Variants in VSTM4 observed in about 807,000 individuals in gnomAD.
VSTM4 encodes the protein V-set and transmembrane domain-containing protein 4.
VSTM4 carries 20 observed loss-of-function variants against 36.4 expected under a neutral mutation model. The observed-to-expected ratio is 0.55, with a 90% CI of 0.39 to 0.80. The LOEUF (loss-of-function observed/expected upper bound fraction) is 0.80, where lower values mean the gene tolerates loss of function less well. Among genes scored for constraint, VSTM4 ranks in the 30% least tolerant of loss-of-function variants. The probability of loss-of-function intolerance (pLI) is 0.00; values close to 1 mark genes in which losing one functional copy is unlikely to be tolerated. For synonymous variants in VSTM4, 182 were observed against 173.9 expected, an observed-to-expected ratio of 1.05 and a Z score of -0.37; for missense variants, 392 against 404.5, an observed-to-expected ratio of 0.97 and a Z score of 0.26.
chr10:49,052,433 AT>A lies in VSTM4; in HGVS notation c.669-3850del, dbSNP rs372235532. Among the ~76,000 whole-genome samples the A allele has an allele frequency of 5.3e-3, 759 of 143,638 alleles. 29 individuals are homozygous for A. The South Asian group carries it at 0.055, about 10-fold the overall frequency. The allele number at this position is 143,638 out of a possible 152,430, so 94.2% of individuals were successfully genotyped here. ...GGATAGCTCCTTCTCTTGATTTAGGATTTTTTTTTTTTTTGGATCTTGATTT... is the reference window on the plus strand; with the variant it reads ...GGATAGCTCCTTCTCTTGATTTAGGATTTTTTTTTTTTTGGATCTTGATTT... On this transcript the variant is annotated intron_variant, in intron 5 of 7. Coordinates refer to ENST00000332853, the MANE Select transcript of VSTM4 (RefSeq NM_001031746.5).
At chr10:49,062,680 A>C (rs1322148671) in intron 5 of VSTM4, among the ~76,000 whole-genome samples, 3 of 152,154 alleles carry the variant, frequency 2.0e-5, no homozygotes, top group Admixed American at 6.5e-5. Context: ...TATTTCTTCT[A>C]ATACTGTTTT....
chr10:49,112,254 T>C (rs903892297), intron 1 of VSTM4, among the ~76,000 whole-genome samples: 1 of 152,210 alleles, frequency 6.6e-6, no homozygotes, highest in African/African-American at 2.4e-5. Flanking sequence ...AATCCCAGTC[T>C]CCAACAAGCA....
chr10:49,039,285 G>A (rs1245388478), intron 7 of VSTM4, among the ~76,000 whole-genome samples: 1 of 152,102 alleles, frequency 6.6e-6, no homozygotes, highest in Non-Finnish European at 1.5e-5. Context: ...CCTGGGTGGG[G>A]TGGGCCTGAG....
intron 3 of VSTM4, 47 bp downstream of exon 3, chr10:49,085,907 GA>G: frequency 1.6e-6 from 2 of 1,240,046 alleles, no homozygotes; most frequent in Non-Finnish European, 2.3e-6. Flanking sequence ...AAAAGAAAAA[GA>G]AAAAGCAACT....
At chr10:49,087,325 G>T (rs892777793) in intron 2 of VSTM4, among the ~76,000 whole-genome samples, 15 of 152,058 alleles carry the variant, frequency 9.9e-5, no homozygotes, top group African/African-American at 3.6e-4. Flanking sequence ...TAATGTCTAT[G>T]CCTGATAAAC....
intron 7 of VSTM4, among the ~76,000 whole-genome samples, chr10:49,026,089 G>A (rs1056958886): frequency 4.6e-5 from 7 of 152,138 alleles, no homozygotes; most frequent in African/African-American, 1.4e-4. Context: ...CTGCGTGCTC[G>A]GACTTCCCTG....
chr10:49,029,279 T>C (rs1031451709), intron 7 of VSTM4, among the ~76,000 whole-genome samples: 3 of 152,226 alleles, frequency 2.0e-5, no homozygotes, highest in Non-Finnish European at 2.9e-5. Flanking sequence ...GAAAAGAGAA[T>C]ATAGAGTTCT....
intron 7 of VSTM4, among the ~76,000 whole-genome samples, chr10:49,041,560 C>T (rs1163587354): frequency 6.6e-6 from 1 of 152,138 alleles, no homozygotes; most frequent in Non-Finnish European, 1.5e-5. Context: ...AGGACCACAG[C>T]TATATTTGAA....
At chr10:49,090,634 C>A (rs1243111036) in intron 2 of VSTM4, among the ~76,000 whole-genome samples, 2 of 152,202 alleles carry the variant, frequency 1.3e-5, no homozygotes, top group African/African-American at 4.8e-5. Flanking sequence ...ACCTCCCTCA[C>A]CCCTGGTGGA....
At chr10:49,103,502 T>C in intron 2 of VSTM4, 1 of 1,147,524 alleles carries the variant, frequency 8.7e-7, no homozygotes, top group Non-Finnish European at 1.1e-6. Flanking sequence ...ATAATTGAAC[T>C]ATATTACACT....
At chr10:49,105,330 G>GA (rs61337231) in intron 2 of VSTM4, among the ~76,000 whole-genome samples, 21,200 of 79,410 alleles carry the variant, frequency 0.27, 2,022 homozygotes, top group Non-Finnish European at 0.32. Flanking sequence ...AGAGAGAGAC[G>GA]GGGGGGGGAG....
intron 1 of VSTM4, among the ~76,000 whole-genome samples, chr10:49,109,715 G>A (rs1844857858): frequency 6.6e-6 from 1 of 152,186 alleles, no homozygotes; most frequent in Admixed American, 6.5e-5. Context: ...CCGCTGGATG[G>A]GTATGAGGTC....
chr10:49,061,334 C>T (rs1843873611), intron 5 of VSTM4, among the ~76,000 whole-genome samples: 1 of 151,998 alleles, frequency 6.6e-6, no homozygotes, highest in South Asian at 2.1e-4. Flanking sequence ...CCCATGGAGC[C>T]TTGAAAAAAT....
chr10:49,111,646 C>A (rs148705643), intron 1 of VSTM4, among the ~76,000 whole-genome samples: 1 of 152,120 alleles, frequency 6.6e-6, no homozygotes, highest in Admixed American at 6.6e-5. Flanking sequence ...GGGAGGGAGA[C>A]GCATCGTCCC....
intron 1 of VSTM4, among the ~76,000 whole-genome samples, chr10:49,109,167 AC>A (rs1054030581): frequency 6.6e-6 from 1 of 152,164 alleles, no homozygotes; most frequent in Non-Finnish European, 1.5e-5. Context: ...ATCCCAAAGC[AC>A]AGCTTTCAGT....
At chr10:49,086,549 C>T (rs1462482096) in intron 2 of VSTM4, among the ~76,000 whole-genome samples, 1 of 152,134 alleles carries the variant, frequency 6.6e-6, no homozygotes, top group Non-Finnish European at 1.5e-5. Flanking sequence ...ATTCATTTTG[C>T]CTGCTTTCAA....
At chr10:49,074,638 T>C (rs1197677437) in intron 4 of VSTM4, among the ~76,000 whole-genome samples, 3 of 152,068 alleles carry the variant, frequency 2.0e-5, no homozygotes, top group Admixed American at 6.5e-5. Context: ...CTCCTGGAGG[T>C]GCATGGGGCA....
chr10:49,084,946 C>A (rs1034070489), intron 3 of VSTM4, among the ~76,000 whole-genome samples: 1 of 152,248 alleles, frequency 6.6e-6, no homozygotes, highest in African/African-American at 2.4e-5. Flanking sequence ...TTGGCCCCTG[C>A]CACTAGATGC....
At chr10:49,092,721 C>T (rs1345505419) in intron 2 of VSTM4, among the ~76,000 whole-genome samples, 25 of 152,132 alleles carry the variant, frequency 1.6e-4, no homozygotes. Context: ...CCTGCCACGC[C>T]CCCATCCTGG....
Sources: gnomAD v4.1 joint callset for allele counts (sites outside exome capture counted in the v4.1 genomes callset) on GRCh38, gnomAD v4.1.1 for gene constraint, MANE v1.5 for transcripts, NCBI Gene and HGNC (gene_info 2026-07-23, HGNC 2026-07-21) for gene names.